The following PSD2 variants were observed in gnomAD, a reference collection of about 807,000 sequenced individuals.
PSD2 encodes the protein pleckstrin and Sec7 domain containing 2, also known as PH and SEC7 domain-containing protein 2.
Under a neutral mutation model 69.8 loss-of-function variants are expected in PSD2, and 38 were observed. That is an observed-to-expected ratio of 0.54 (90% CI 0.42 to 0.71). The LOEUF (loss-of-function observed/expected upper bound fraction) is 0.71, where lower values mean the gene tolerates loss of function less well. Among genes scored for constraint, PSD2 ranks in the 30% least tolerant of loss-of-function variants. PSD2 has a pLI of 0.00. For missense variants in PSD2, 943 were observed against 1,014.5 expected (o/e 0.93, Z 0.96); for synonymous variants, 412 against 423.0 (o/e 0.97, Z 0.32).
chr5:139,822,808 G>C (rs781587341), intron 7 of PSD2, 24 bp downstream of exon 7: 2 of 1,596,544 alleles, frequency 1.3e-6, no homozygotes, highest in Admixed American at 1.7e-5. Context: ...GTGACGGGGG[G>C]TGTCGCATGT....
intron 7 of PSD2, among the ~76,000 whole-genome samples, chr5:139,830,689 CT>C (rs56877686): frequency 0.036 from 2,259 of 63,238 alleles, 37 homozygotes; most frequent in African/African-American, 0.085. Flanking sequence ...TCTTTCTTTT[CT>C]TTTTTTTTTT....
the PSD2 span, among the ~76,000 whole-genome samples, chr5:139,751,415 A>G: frequency 0.01 from 1,580 of 152,222 alleles, 29 homozygotes; most frequent in African/African-American, 0.035. Flanking sequence ...GAGAGTGCCC[A>G]GGCAGATGGG....
At chr5:139,780,586 G>T in the PSD2 span, among the ~76,000 whole-genome samples, 2 of 152,128 alleles carry the variant, frequency 1.3e-5, no homozygotes, top group South Asian at 2.1e-4. Flanking sequence ...TTGGATTACA[G>T]GCACGCAGCA....
intron 7 of PSD2, among the ~76,000 whole-genome samples, chr5:139,830,540 T>TCCTTCCTTCCTTCCTTCCTTCCTG (rs1421691535): frequency 9.3e-5 from 12 of 128,356 alleles, no homozygotes; most frequent in Non-Finnish European, 1.3e-4. Flanking sequence ...CTTCCTTCCT[T>TCCTTCCTTCCTTCCTTCCTTCCTG]CCTTCCTTCC....
At chr5:139,792,079 G>T (rs552835017), upstream of PSD2, among the ~76,000 whole-genome samples, 2 of 151,918 alleles carry the variant, frequency 1.3e-5, no homozygotes, top group South Asian at 2.1e-4. Context: ...AGTGTGGGAG[G>T]GGTCCTAGGA....
the PSD2 span, among the ~76,000 whole-genome samples, chr5:139,771,603 T>C: frequency 2.6e-5 from 4 of 152,134 alleles, no homozygotes; most frequent in Non-Finnish European, 5.9e-5. Flanking sequence ...TGGTCTCGAT[T>C]TCCTGACCTC....
chr5:139,755,670 C>T, the PSD2 span, among the ~76,000 whole-genome samples: 1 of 150,556 alleles, frequency 6.6e-6, no homozygotes, highest in East Asian at 2.0e-4. Context: ...TGTGTGTGCG[C>T]GCGCATGAGG....
At chr5:139,795,042 C>T (rs182882849), upstream of PSD2, among the ~76,000 whole-genome samples, 2 of 152,272 alleles carry the variant, frequency 1.3e-5, no homozygotes, top group Non-Finnish European at 2.9e-5. This position sits in a 1 kb window ranked among gnomAD's most constrained non-coding sequence, Gnocchi z 4.5. Flanking sequence ...CTCTCTCTGT[C>T]TCCTTATATC....
At chr5:139,805,319 C>T (rs563711162) in intron 1 of PSD2, among the ~76,000 whole-genome samples, 1 of 152,340 alleles carries the variant, frequency 6.6e-6, no homozygotes, top group East Asian at 1.9e-4. Context: ...GAATCTCAGC[C>T]TTGCTGCTTT....
chr5:139,771,356 G>A, the PSD2 span, among the ~76,000 whole-genome samples: 1 of 152,142 alleles, frequency 6.6e-6, no homozygotes, highest in African/African-American at 2.4e-5. Flanking sequence ...GTGCAGGCAG[G>A]AAGCAGGCCT....
the PSD2 span, among the ~76,000 whole-genome samples, chr5:139,776,793 T>G: frequency 6.6e-6 from 1 of 151,994 alleles, no homozygotes; most frequent in East Asian, 1.9e-4. Flanking sequence ...CTCAGCCTCC[T>G]GAGTAGCTGG....
chr5:139,813,573 T>G lies in PSD2; in HGVS notation c.636T>G (p.Ala212=), dbSNP rs2126939293. 3 of 1,612,894 alleles carry G rather than the reference T, an allele frequency of 1.9e-6. No homozygotes were observed. The East Asian group carries it at 6.7e-5, about 36-fold the overall frequency. The change falls in exon 3 of 15, where the codon GCT becomes GCG. Residue 212 remains alanine (A), a synonymous_variant. Transcript: ENST00000274710. ...DMAFEGDMGA[A]GGDGELGSPL... ...CGTTTGAGGGGGACATGGGGGCAGC[T>G]GGTGGTGATGGGGAGCTGGGCAGCC...
intron 7 of PSD2, among the ~76,000 whole-genome samples, chr5:139,826,223 A>C (rs1307997261): frequency 1.3e-5 from 2 of 152,172 alleles, no homozygotes; most frequent in Admixed American, 1.3e-4. Context: ...AGATGAGCTC[A>C]AGAGGCGAGG....
At chr5:139,747,776 C>T in the PSD2 span, among the ~76,000 whole-genome samples, 1 of 152,352 alleles carries the variant, frequency 6.6e-6, no homozygotes, top group East Asian at 1.9e-4. The surrounding 1 kb of genome is among the most constrained non-coding windows in gnomAD (Gnocchi z 6.7). Flanking sequence ...CTGGCCCCAC[C>T]GGGCCCCCCA....
chr5:139,799,999 G>T (rs944166703), intron 1 of PSD2, among the ~76,000 whole-genome samples: 1 of 152,132 alleles, frequency 6.6e-6, no homozygotes. Flanking sequence ...CCTTGCAGAA[G>T]CTCATTTTGA....
intron 7 of PSD2, among the ~76,000 whole-genome samples, chr5:139,828,827 G>A (rs909999010): frequency 5.3e-5 from 8 of 152,154 alleles, no homozygotes; most frequent in East Asian, 1.9e-4. Context: ...CCCTGTACCC[G>A]TCTAGCCTCT....
At chr5:139,797,799 G>A (rs1005341584) in intron 1 of PSD2, among the ~76,000 whole-genome samples, 6 of 152,292 alleles carry the variant, frequency 3.9e-5, no homozygotes, top group Non-Finnish European at 7.4e-5. Flanking sequence ...GCAGAGTGAG[G>A]ATTTGCACTT....
intron 1 of PSD2, among the ~76,000 whole-genome samples, chr5:139,802,776 G>A (rs190662923): frequency 2.0e-4 from 31 of 152,326 alleles, no homozygotes; most frequent in Admixed American, 1.9e-3. Context: ...CAAATGCTAA[G>A]CAAATGAGGG....
Position 139,813,484 on chromosome 5 carries a change from C to T in PSD2, c.547C>T (p.Leu183Phe), listed in dbSNP as rs991646777. The T allele has an allele frequency of 7.4e-6, 12 of 1,613,810 alleles. No individual in the cohort carries two copies. The highest frequency in any genetic ancestry group is 7.6e-6 in the Non-Finnish European group (9 of 1,179,776). Reference protein sequence around the residue: ...CVSFEAPLTPLIQQRARDSPE... With the variant: ...CVSFEAPLTPFIQQRARDSPE... ...CAGCTTCGAGGCCCCCCTCACACCC[C>T]TCATCCAGCAGCGGGCCCGTGACAG... Residue 183 changes from leucine (L) to phenylalanine (F), a missense_variant, in exon 3 of 15, where the codon CTC becomes TTC. Leu to Phe is a conservative substitution (Grantham distance 22, BLOSUM62 0). Around this residue, in one of 3 missense-constraint regions of PSD2, gnomAD observed 466 missense variants for 445.0 expected, o/e 1.05. Transcript: ENST00000274710.
Sources: allele counts gnomAD v4.1 joint callset (sites outside exome capture counted in the v4.1 genomes callset), GRCh38; gene constraint gnomAD v4.1.1; regional missense constraint gnomAD v4.1.1; non-coding constraint Gnocchi (gnomAD v3.1); transcripts MANE v1.5; gene names NCBI Gene and HGNC (gene_info 2026-07-23, HGNC 2026-07-21).